Variants in SIRPB2 observed in about 807,000 individuals in gnomAD.
SIRPB2 encodes signal regulatory protein beta 2, also known as signal-regulatory protein beta-2.
In SIRPB2, 18 loss-of-function variants were observed where a neutral mutation model predicts 27.1. The observed-to-expected ratio is 0.66, with a 90% CI of 0.46 to 0.98. SIRPB2 has a LOEUF of 0.98. Ranked by LOEUF, SIRPB2 falls within the 50% of genes least tolerant of loss-of-function variation. The pLI is 0.00. For synonymous variants in SIRPB2, 150 were observed against 164.6 expected (o/e 0.91, Z 0.68); for missense variants, 420 against 417.4 (o/e 1.01, Z -0.06).
In SIRPB2 at chr20:1,479,993, C is replaced by A. The variant is rs2090653503; in HGVS notation, c.158G>T (p.Gly53Val). The A allele has an allele frequency of 6.2e-7, 1 of 1,614,182 alleles. No individual in the cohort carries two copies. The highest frequency in any genetic ancestry group is 8.5e-7 in the Non-Finnish European group (1 of 1,180,036). The change falls in exon 2 of 5, where the codon GGT (glycine) becomes GTT (valine). Residue 53 changes from glycine (G) to valine (V), a missense_variant. Transcript: ENST00000359801. Reference sequence around the variant, plus strand: ...CATACACCTCAGTAGAAGTGTCTCACCTTCTGCCACCAGCATGGGGCCCTC... The same window carrying A: ...CATACACCTCAGTAGAAGTGTCTCAACTTCTGCCACCAGCATGGGGCCCTC... ...QPEGPMLVAE[G>V]ETLLLRCMVV...
chr20:1,482,857 A>C (rs1045217454), intron 1 of SIRPB2, among the ~76,000 whole-genome samples: 17 of 151,780 alleles, frequency 1.1e-4, no homozygotes, highest in African/African-American at 4.1e-4. Flanking sequence ...TCATCCATTG[A>C]TTGACGCTTA....
rs2090724857 is a variant in SIRPB2, at chr20:1,486,179, T to A, written c.85+5096A>T. Among the ~76,000 whole-genome samples, 5 of 152,024 alleles carry A rather than the reference T, an allele frequency of 3.3e-5. No individual in the cohort carries two copies. In the South Asian group the frequency reaches 1.0e-3, roughly 32 times the overall value. On this transcript the variant is annotated intron_variant, in intron 1 of 4. Coordinates refer to ENST00000359801, the MANE Select transcript of SIRPB2 (RefSeq NM_001122962.2). ...CCTCTGCCTCCCAGGTTCAAGCGAT[T>A]CTCCTGCCTCAGCCTCCTGAGTAGC...
In SIRPB2 at chr20:1,485,592, A is replaced by G. The variant is rs771710032; in HGVS notation, c.86-5527T>C. 1.3e-3 allele frequency among the ~76,000 whole-genome samples: 193 copies of G among 151,874 alleles called. 1 individual carries two copies. The highest frequency in any genetic ancestry group is 1.9e-3 in the Non-Finnish European group (129 of 67,940). ...AACTAAACTCAAAGTAGTGAAAGAA[A>G]GGAAATCATCAAGCTGGAAATGAAA... On this transcript the variant is annotated intron_variant, in intron 1 of 4. Transcript: ENST00000359801.
At chr20:1,480,771 T>C (rs537513212) in intron 1 of SIRPB2, among the ~76,000 whole-genome samples, 1 of 152,180 alleles carries the variant, frequency 6.6e-6, no homozygotes, top group African/African-American at 2.4e-5. Flanking sequence ...CAGGCCATGC[T>C]ACTTTGTTAT....
downstream of SIRPB2, chr20:1,473,672 G>A: frequency 3.1e-6 from 1 of 319,292 alleles, no homozygotes; most frequent in Non-Finnish European, 6.4e-6. Context: ...AAGTCCAGAG[G>A]GGTGCTGGAG....
Position 1,478,422 on chromosome 20 carries a change from G to A in SIRPB2, c.637C>T (p.Pro213Ser). ...GAGGCCTGCACCGCTGTCTCCTTGG[G>A]GTGGGAGATGCCTCCAAAGTTGTAA... ...AIYNFGGISH[P>S]KETAVQASNN... is the part of the protein sequence containing the mutation. Residue 213 changes from proline to serine, a missense_variant, in exon 3 of 5, where the codon CCC (proline) becomes TCC (serine). Transcript: ENST00000359801. 1 of 1,614,136 alleles carries A rather than the reference G, an allele frequency of 6.2e-7. No homozygotes were observed. Among genetic ancestry groups the A allele is most frequent in the South Asian group, 1.1e-5 (1 of 91,080 alleles).
chr20:1,482,355 G>C (rs1192762863), intron 1 of SIRPB2, among the ~76,000 whole-genome samples: 1 of 151,952 alleles, frequency 6.6e-6, no homozygotes, highest in East Asian at 1.9e-4. Context: ...CTGTGTGTTT[G>C]TACCCATTCA....
At chr20:1,485,672 C>CACAT (rs1309151106) in intron 1 of SIRPB2, among the ~76,000 whole-genome samples, 7 of 150,970 alleles carry the variant, frequency 4.6e-5, no homozygotes, top group African/African-American at 1.7e-4. Flanking sequence ...CACACACACA[C>CACAT]AGAAAAAATC....
chr20:1,479,692 A>G lies in SIRPB2; in HGVS notation c.451+8T>C, dbSNP rs1454807850. 1.9e-6 allele frequency: 3 copies of G among 1,613,296 alleles called. No individual in the cohort carries two copies. Among genetic ancestry groups the G allele is most frequent in the Non-Finnish European group, 8.5e-7 (1 of 1,179,494 alleles). Reference sequence around the variant, plus strand: ...GCAAATGTGTGGTCTGCAGGGCCTGATCCTTACCCTTCACAAGCACTGAGG... The same window carrying G: ...GCAAATGTGTGGTCTGCAGGGCCTGGTCCTTACCCTTCACAAGCACTGAGG... On this transcript the variant is annotated splice_region_variant and intron_variant, in intron 2 of 4. Coordinates refer to ENST00000359801, the MANE Select transcript of SIRPB2 (RefSeq NM_001122962.2).
At chr20:1,484,320 A>T (rs974802423) in intron 1 of SIRPB2, among the ~76,000 whole-genome samples, 1 of 152,238 alleles carries the variant, frequency 6.6e-6, no homozygotes, top group Non-Finnish European at 1.5e-5. Context: ...CAAAAGGGTC[A>T]GGCAACTAAG....
chr20:1,485,720 C>A (rs1279410264), intron 1 of SIRPB2, among the ~76,000 whole-genome samples: 1 of 151,548 alleles, frequency 6.6e-6, no homozygotes, highest in Non-Finnish European at 1.5e-5. Context: ...ATCACTAAAA[C>A]TGATAAATCT....
At chr20:1,476,726 C>T in intron 4 of SIRPB2, 3 of 1,047,548 alleles carry the variant, frequency 2.9e-6, no homozygotes, top group Non-Finnish European at 3.5e-6. Context: ...GGCCGTCTGG[C>T]CCCCATGAAT....
chr20:1,479,143 C>T (rs563974934), intron 2 of SIRPB2: 1 of 164,180 alleles, frequency 6.1e-6, no homozygotes, highest in South Asian at 1.6e-4. Flanking sequence ...GCCAGGGTAA[C>T]TGACTTAAGA....
At chr20:1,479,649 G>T (rs1185071484) in intron 2 of SIRPB2, 51 bp downstream of exon 2, 1 of 1,593,918 alleles carries the variant, frequency 6.3e-7, no homozygotes, top group Non-Finnish European at 8.6e-7. Context: ...AGGTGACTGT[G>T]CAGGGAAACA....
chr20:1,475,809 C>T lies in SIRPB2; in HGVS notation c.*358G>A. 4.7e-6 allele frequency: 1 copy of T among 210,934 alleles called. No homozygotes were observed. The highest frequency in any genetic ancestry group is 6.7e-5 in the South Asian group (1 of 14,912). 13.1% of individuals were successfully genotyped at this position (210,934 alleles called of 1,614,324 possible). On this transcript the variant is annotated 3_prime_UTR_variant, in exon 5 of 5. Transcript: ENST00000359801. ...GTTCAGAGATTCTTACAGACATCTC[C>T]TGGGAAGAAGACTCTGAGTTGGATG...
rs142034520 is a variant in SIRPB2, at chr20:1,489,828, G to A, written c.85+1447C>T. On this transcript the variant is annotated intron_variant, in intron 1 of 4. Coordinates refer to ENST00000359801, the MANE Select transcript of SIRPB2 (RefSeq NM_001122962.2). ...AGAGAAGTGGTGAGGCTCAATCCTGGGCCAGCTACGTAATTTGTGAGGCCA... is the reference window on the plus strand; with the variant it reads ...AGAGAAGTGGTGAGGCTCAATCCTGAGCCAGCTACGTAATTTGTGAGGCCA... 1.4e-4 allele frequency among the ~76,000 whole-genome samples: 22 copies of A among 152,210 alleles called. No homozygotes were observed. In the East Asian group the frequency reaches 4.3e-3, roughly 29 times the overall value.
chr20:1,475,988 A>T lies in SIRPB2; in HGVS notation c.*179T>A. ...CCAAAAAGAGAAAGGGAGACATTTT[A>T]GAGGGAAGCCCGGTGCAAAGAAGGG... On this transcript the variant is annotated 3_prime_UTR_variant, in exon 5 of 5. Coordinates refer to ENST00000359801, the MANE Select transcript of SIRPB2 (RefSeq NM_001122962.2). 1 of 643,560 alleles carries T rather than the reference A, an allele frequency of 1.6e-6. No homozygotes were observed. Among genetic ancestry groups the T allele is most frequent in the Non-Finnish European group, 2.6e-6 (1 of 385,996 alleles). 39.9% of individuals were successfully genotyped at this position (643,560 alleles called of 1,614,324 possible). A position where few individuals can be genotyped will look rare whatever the true frequency, so the allele number is the denominator to read the frequency against.
At chr20:1,489,544 C>T (rs778600178) in intron 1 of SIRPB2, among the ~76,000 whole-genome samples, 82 of 152,288 alleles carry the variant, frequency 5.4e-4, no homozygotes, top group Middle Eastern at 3.4e-3. Context: ...CTGGTGCCCA[C>T]ACCCCTTCCC....
At position 1,476,120 on chromosome 20, in the gene SIRPB2, C is replaced by T. The variant is rs1473908870; in HGVS notation, c.*47G>A. On this transcript the variant is annotated 3_prime_UTR_variant, in exon 5 of 5. Transcript: ENST00000359801. ...GGAGGTAGGGAAATGGTTGAGGAGC[C>T]CTGGCTCCTCTCCAACTCAGAGGGT... 1.3e-6 allele frequency: 2 copies of T among 1,596,708 alleles called. No individual in the cohort carries two copies. The highest frequency in any genetic ancestry group is 1.7e-6 in the Non-Finnish European group (2 of 1,174,176).
Sources: allele counts gnomAD v4.1 joint callset (sites outside exome capture counted in the v4.1 genomes callset), GRCh38; gene constraint gnomAD v4.1.1; transcripts MANE v1.5; gene names NCBI Gene and HGNC (gene_info 2026-07-23, HGNC 2026-07-21).